Variants in FAT1 observed in about 807,000 individuals in gnomAD.
FAT1 encodes protocadherin Fat 1.
A neutral mutation model predicts 329.8 loss-of-function variants in FAT1; 171 were observed. The ratio of observed to expected loss-of-function variants is 0.52; its 90% CI spans 0.46 to 0.59. FAT1 has a LOEUF of 0.59. Among genes scored for constraint, FAT1 ranks in the 20% least tolerant of loss-of-function variants. The probability of loss-of-function intolerance (pLI) is 0.00; values close to 1 mark genes in which losing one functional copy is unlikely to be tolerated. For synonymous variants in FAT1, 2,233 were observed against 2,228.6 expected (o/e 1.00, Z -0.06); for missense variants, 5,672 against 5,774.4 (o/e 0.98, Z 0.57).
chr4:186,617,092 G>C lies in FAT1; in HGVS notation c.8988C>G (p.Ile2996Met). 2 of 1,613,942 alleles carry C rather than the reference G, an allele frequency of 1.2e-6. No homozygotes were observed. Among genetic ancestry groups the C allele is most frequent in the Non-Finnish European group, 1.7e-6 (2 of 1,179,860 alleles). Residue 2996 changes from isoleucine (I) to methionine (M), a missense_variant, in exon 11 of 27, where the codon ATC becomes ATG. Ile to Met is a conservative substitution (Grantham distance 10). Transcript: ENST00000441802. ...ATGAGAAGGTGCCATCAGTTGCCGT[G>C]ATAGTAAGAAGGTAATTGTCCCTTT... ...REKRDNYLLT[I>M]TATDGTFSSK...
Position 186,620,871 on chromosome 4 carries a change from A to G in FAT1, c.5715T>C (p.Asp1905=). ...GVKVITVNAT[D]ADSSAFSQLI... ...ACTGTGAGAATGCACTTGAATCAGC[A>G]TCTGTAGCATTTACTGTGATGACTT... The change falls in exon 10 of 27, where the codon GAT becomes GAC. Residue 1905 remains aspartate, a synonymous_variant. Coordinates refer to ENST00000441802, the MANE Select transcript of FAT1 (RefSeq NM_005245.4). The G allele has an allele frequency of 6.2e-7, 1 of 1,614,022 alleles. No homozygotes were observed. The highest frequency in any genetic ancestry group is 8.5e-7 in the Non-Finnish European group (1 of 1,179,888).
intron 3 of FAT1, among the ~76,000 whole-genome samples, chr4:186,643,284 T>C (rs1251841662): frequency 2.0e-5 from 3 of 152,038 alleles, no homozygotes; most frequent in Admixed American, 1.3e-4. Context: ...AATTCACAAA[T>C]CAAGATCCTG....
At chr4:186,696,398 C>A (rs1320518206) in intron 2 of FAT1, among the ~76,000 whole-genome samples, 1 of 152,112 alleles carries the variant, frequency 6.6e-6, no homozygotes, top group African/African-American at 2.4e-5. Context: ...CCTTTTTTCA[C>A]TTAAATATGT....
At chr4:186,599,522 C>T (rs1025048512) in intron 22 of FAT1, among the ~76,000 whole-genome samples, 1 of 152,144 alleles carries the variant, frequency 6.6e-6, no homozygotes, top group Non-Finnish European at 1.5e-5. Context: ...AGGCCCCCTA[C>T]GCTGAGCCAT....
chr4:186,723,451 T>C (rs943038363), intron 1 of FAT1, among the ~76,000 whole-genome samples: 2 of 152,114 alleles, frequency 1.3e-5, no homozygotes, highest in Non-Finnish European at 2.9e-5. Flanking sequence ...TCGCCTCCTT[T>C]TCCCGCTCCG....
rs1286362396 is a variant in FAT1 at position 186,600,865 on chromosome 4, C to T, written c.11640+404G>A. ...AGCTGGAATTACAGGCGTCCGCCACCAAGTCTGGCTAATTTTTTGTATTTT... is the reference window on the plus strand; with the variant it reads ...AGCTGGAATTACAGGCGTCCGCCACTAAGTCTGGCTAATTTTTTGTATTTT... On this transcript the variant is annotated intron_variant, in intron 21 of 26. Transcript: ENST00000441802. Among the ~76,000 whole-genome samples, 116 of 152,196 alleles carry T rather than the reference C, an allele frequency of 7.6e-4. 1 individual carries two copies. The highest frequency in any genetic ancestry group is 2.5e-4 in the Non-Finnish European group (17 of 68,046).
intron 1 of FAT1, among the ~76,000 whole-genome samples, chr4:186,714,499 C>G (rs574083186): frequency 6.6e-6 from 1 of 151,780 alleles, no homozygotes; most frequent in South Asian, 2.1e-4. Context: ...AGACTCCAGC[C>G]GGCAGATAGA....
intron 7 of FAT1, among the ~76,000 whole-genome samples, chr4:186,629,012 T>C (rs1465035946): frequency 6.6e-6 from 1 of 152,220 alleles, no homozygotes; most frequent in African/African-American, 2.4e-5. Flanking sequence ...ACAAAATATG[T>C]ATTGATTTTC....
chr4:186,611,704 C>T lies in FAT1; in HGVS notation c.9535G>A (p.Gly3179Arg), dbSNP rs2126469776. 6.3e-7 allele frequency: 1 copy of T among 1,599,878 alleles called. No homozygotes were observed. The highest frequency in any genetic ancestry group is 1.7e-5 in the Admixed American group (1 of 57,780). The change falls in exon 14 of 27, where the codon GGA (glycine) becomes AGA (arginine). Residue 3179 changes from glycine to arginine, a missense_variant. Physicochemically the swap from Gly to Arg is moderately radical, Grantham distance 125. This residue lies in a region of FAT1 where 1,706 missense variants were observed against 1,859.1 expected (regional missense o/e 0.92). Transcript: ENST00000441802. ...AAAGGTTTTTCTAACTGAATAATTC[C>T]AGATAATTCGTTAATGGAGAACTGC... ...DGQFSINELSGIIQLEKPLDR... is the reference protein window; with the variant it reads ...DGQFSINELSRIIQLEKPLDR...
At chr4:186,719,277 C>T (rs922760647) in intron 1 of FAT1, among the ~76,000 whole-genome samples, 2 of 152,148 alleles carry the variant, frequency 1.3e-5, no homozygotes, top group African/African-American at 4.8e-5. Context: ...ACCATCAAAC[C>T]TAAGTTATAC....
chr4:186,726,198 C>G (rs1745713758), upstream of FAT1, among the ~76,000 whole-genome samples: 1 of 152,248 alleles, frequency 6.6e-6, no homozygotes, highest in Non-Finnish European at 1.5e-5. Context: ...ATCGCCGATC[C>G]GCACAAAGCC....
At chr4:186,630,829 C>A (rs1351662611) in intron 7 of FAT1, among the ~76,000 whole-genome samples, 3 of 152,030 alleles carry the variant, frequency 2.0e-5, no homozygotes, top group African/African-American at 7.2e-5. Flanking sequence ...GCTCCAGAGG[C>A]CACGATGCTG....
chr4:186,613,159 G>T lies in FAT1; in HGVS notation c.9413C>A (p.Thr3138Lys). The T allele has an allele frequency of 6.2e-7, 1 of 1,613,674 alleles. No homozygotes were observed. The highest frequency in any genetic ancestry group is 8.5e-7 in the Non-Finnish European group (1 of 1,179,872). ...TCTTGTCAGCAGCGTTCCCGGCTCT[G>T]TGTTTTCAAACACGGTGATGGCATA... ...DPYAITVFEN[T>K]EPGTLLTRVQ... Residue 3138 changes from threonine to lysine, a missense_variant, in exon 13 of 27, where the codon ACA (threonine) becomes AAA (lysine). Transcript: ENST00000441802.
Position 186,604,506 on chromosome 4 carries a change from A to C in FAT1, c.10419T>G (p.Gly3473=), listed in dbSNP as rs771420231. Residue 3473 remains glycine, a synonymous_variant, in exon 18 of 27, where the codon GGT becomes GGG. Coordinates refer to ENST00000441802, the MANE Select transcript of FAT1 (RefSeq NM_005245.4). ...VVTDEDSSHN[G]PPFFFTIVTG... ...TTACAATAGTAAAGAAGAAGGGTGG[A>C]CCGTTATGGGAAGAATCCTCATCTG... The C allele has an allele frequency of 2.5e-6, 4 of 1,613,832 alleles. No individual in the cohort carries two copies. In the South Asian group the frequency reaches 3.3e-5, roughly 13 times the overall value.
intron 3 of FAT1, among the ~76,000 whole-genome samples, chr4:186,654,017 C>G (rs1308453495): frequency 6.6e-6 from 1 of 152,110 alleles, no homozygotes; most frequent in East Asian, 1.9e-4. Flanking sequence ...TCCCTCAATG[C>G]AAAGAGTAGA....
chr4:186,632,227 T>C (rs983215128), intron 7 of FAT1, among the ~76,000 whole-genome samples: 2 of 152,216 alleles, frequency 1.3e-5, no homozygotes, highest in Admixed American at 6.5e-5. Context: ...ATTAAAAATA[T>C]AATTATTGGG....
At chr4:186,719,827 A>C (rs936211388) in intron 1 of FAT1, among the ~76,000 whole-genome samples, 1 of 152,210 alleles carries the variant, frequency 6.6e-6, no homozygotes, top group Non-Finnish European at 1.5e-5. Context: ...GCTACCACCT[A>C]GTTAGAATGG....
At chr4:186,705,197 G>T (rs1744518604) in intron 2 of FAT1, among the ~76,000 whole-genome samples, 1 of 149,640 alleles carries the variant, frequency 6.7e-6, no homozygotes, top group Non-Finnish European at 1.5e-5. Context: ...TCCCACCTGC[G>T]CCTCCCAAAG....
intron 23 of FAT1, 81 bp from the exon 24 acceptor site, chr4:186,597,873 A>C (rs1488217346): frequency 6.4e-7 from 1 of 1,558,026 alleles, no homozygotes; most frequent in African/African-American, 1.4e-5. Context: ...AAAACAGAAC[A>C]CATTAGCAAA....
Sources: gnomAD v4.1 joint callset for allele counts (sites outside exome capture counted in the v4.1 genomes callset) on GRCh38, gnomAD v4.1.1 for gene constraint, gnomAD v4.1.1 regional missense constraint, MANE v1.5 for transcripts, NCBI Gene and HGNC (gene_info 2026-07-23, HGNC 2026-07-21) for gene names.